CEP128: variants seen among roughly 807,000 people sequenced by gnomAD.
CEP128 encodes centrosomal protein 128kDa.
CEP128 carries 132 observed loss-of-function variants against 156.7 expected under a neutral mutation model. The ratio of observed to expected loss-of-function variants is 0.84; its 90% confidence interval spans 0.73 to 0.97. CEP128 has a LOEUF of 0.97. Among genes scored for constraint, CEP128 ranks in the 50% least tolerant of loss-of-function variants. CEP128 has a pLI of 0.00. For synonymous variants in CEP128, 469 were observed against 448.9 expected, an observed-to-expected ratio of 1.04 and a Z score of -0.57; for missense variants, 1,252 against 1,281.9, an observed-to-expected ratio of 0.98 and a Z score of 0.36.
rs535986705 is a variant in CEP128 at position 80,481,578 on chromosome 14, T to C, written c.*311-3171A>G. Among the ~76,000 whole-genome samples the C allele has an allele frequency of 2.0e-5, 3 of 152,342 alleles. No individual in the cohort carries two copies. The South Asian group carries it at 6.2e-4, about 32-fold the overall frequency. ...TCCACTTTAATCCAGTGCAGAATGT[T>C]ATTGTATACTTCAACAGTATATTCA... On this transcript the variant is annotated intron_variant and NMD_transcript_variant, in intron 14 of 14. Transcript: ENST00000554502.
At chr14:80,496,268 C>G (rs1887491676), downstream of CEP128, among the ~76,000 whole-genome samples, 1 of 152,120 alleles carries the variant, frequency 6.6e-6, no homozygotes, top group South Asian at 2.1e-4. Context: ...TAGCTATACT[C>G]TCAGGTTACA....
chr14:80,660,724 A>C (rs978993550), intron 19 of CEP128, among the ~76,000 whole-genome samples: 2 of 152,160 alleles, frequency 1.3e-5, no homozygotes, highest in African/African-American at 2.4e-5. Context: ...TATGCATGAG[A>C]GGAAACTGAG....
intron 19 of CEP128, among the ~76,000 whole-genome samples, chr14:80,711,535 C>T (rs955067677): frequency 6.6e-6 from 1 of 151,978 alleles, no homozygotes; most frequent in Non-Finnish European, 1.5e-5. Flanking sequence ...AGATAGAGAG[C>T]ACAAGGCTGG....
At chr14:80,707,103 GTTTGT>G (rs550196546) in intron 19 of CEP128, among the ~76,000 whole-genome samples, 33 of 152,236 alleles carry the variant, frequency 2.2e-4, no homozygotes, top group African/African-American at 7.0e-4. Context: ...GGTGGCAGAT[GTTTGT>G]TTTATTTATT....
chr14:80,811,703 GTT>G (rs553416353), intron 13 of CEP128, among the ~76,000 whole-genome samples: 6 of 122,576 alleles, frequency 4.9e-5, no homozygotes, highest in African/African-American at 2.6e-4. Context: ...GTGTGTGTGT[GTT>G]TGAGAGTGTG....
chr14:80,958,655 A>G (rs1306729228), intron 1 of CEP128, among the ~76,000 whole-genome samples: 1 of 152,146 alleles, frequency 6.6e-6, no homozygotes, highest in Admixed American at 6.5e-5. Flanking sequence ...AAGAAAATCT[A>G]GATCTTTTTT....
chr14:80,792,512 G>A (rs1901764055), intron 14 of CEP128, among the ~76,000 whole-genome samples: 1 of 152,026 alleles, frequency 6.6e-6, no homozygotes, highest in Admixed American at 6.6e-5. Flanking sequence ...CCTAAATTGG[G>A]GCAAGGGGTA....
chr14:80,825,605 C>A (rs892572415), intron 13 of CEP128, among the ~76,000 whole-genome samples: 1 of 151,976 alleles, frequency 6.6e-6, no homozygotes, highest in Admixed American at 6.5e-5. Context: ...GTAATAAATA[C>A]AAGCTAATGT....
chr14:80,612,939 C>T (rs1893051885), intron 19 of CEP128, among the ~76,000 whole-genome samples: 1 of 151,546 alleles, frequency 6.6e-6, no homozygotes, highest in African/African-American at 2.4e-5. Flanking sequence ...CTCCCGGGTT[C>T]AAGCAATTCT....
chr14:80,532,968 T>C (rs1356287622), intron 21 of CEP128, among the ~76,000 whole-genome samples: 1 of 152,198 alleles, frequency 6.6e-6, no homozygotes, highest in Non-Finnish European at 1.5e-5. Flanking sequence ...ATTTAGTAGT[T>C]TGTTCCTTCT....
intron 19 of CEP128, among the ~76,000 whole-genome samples, chr14:80,615,000 TA>T (rs1893151772): frequency 6.6e-6 from 1 of 152,230 alleles, no homozygotes. Context: ...GATTACATCT[TA>T]TTTGACTTTG....
chr14:80,881,562 T>C (rs778527788), intron 8 of CEP128, among the ~76,000 whole-genome samples: 72 of 152,128 alleles, frequency 4.7e-4, no homozygotes, highest in Non-Finnish European at 4.4e-4. Flanking sequence ...TAGAGTAATA[T>C]TGGCCATTTT....
At chr14:80,591,626 G>C (rs1892074995) in intron 19 of CEP128, among the ~76,000 whole-genome samples, 1 of 152,088 alleles carries the variant, frequency 6.6e-6, no homozygotes, top group South Asian at 2.1e-4. Context: ...GGATATTCAG[G>C]ACTTGAATTC....
chr14:80,687,742 GA>G (rs1332122134), intron 19 of CEP128, among the ~76,000 whole-genome samples: 1 of 151,886 alleles, frequency 6.6e-6, no homozygotes, highest in Non-Finnish European at 1.5e-5. Flanking sequence ...AAATTTAAAA[GA>G]AAAAATAACC....
intron 19 of CEP128, among the ~76,000 whole-genome samples, chr14:80,716,306 A>G (rs1897603067): frequency 6.6e-6 from 1 of 152,200 alleles, no homozygotes; most frequent in African/African-American, 2.4e-5. Flanking sequence ...AACCATCACC[A>G]CAATCAATTT....
Position 80,716,170 on chromosome 14 carries a change from A to T in CEP128, c.2806+26905T>A, listed in dbSNP as rs534119770. On this transcript the variant is annotated intron_variant, in intron 19 of 24. Transcript: ENST00000555265. ...TTCAATGAATTAAATATGCAAAGTG[A>T]ACCAAATAAATTAAATGAGACTCCT... Among the ~76,000 whole-genome samples the T allele has an allele frequency of 5.6e-4, 85 of 152,330 alleles. 1 individual carries two copies. The South Asian group carries it at 0.01, about 18-fold the overall frequency.
intron 19 of CEP128, among the ~76,000 whole-genome samples, chr14:80,671,726 C>A (rs555657115): frequency 6.6e-6 from 1 of 152,206 alleles, no homozygotes; most frequent in Non-Finnish European, 1.5e-5. Flanking sequence ...AAATTGGATG[C>A]TTTCCTTTAA....
chr14:80,601,056 A>C (rs1449902617), intron 19 of CEP128, among the ~76,000 whole-genome samples: 1 of 152,122 alleles, frequency 6.6e-6, no homozygotes, highest in Non-Finnish European at 1.5e-5. Flanking sequence ...GCAATCATTA[A>C]GAAAAAACTC....
In CEP128 at chr14:80,792,896, G is replaced by A. The variant is rs866691906; in HGVS notation, c.1424C>T (p.Ala475Val). Residue 475 changes from alanine to valine, a missense_variant, in exon 14 of 25, where the codon GCG (alanine) becomes GTG (valine). Ala to Val is a moderately conservative substitution (Grantham distance 64). Transcript: ENST00000555265. Reference protein sequence around the residue: ...LQQSEALKEEAEKRREDLKLK... With the variant: ...LQQSEALKEEVEKRREDLKLK... The stretch of plus-strand genomic sequence containing the variant: ...TTTCAGGTCTTCCCTCCTCTTCTCC[G>A]CCTCCTCTTTCAGAGCCTCTGACTG... 85 of 1,613,892 alleles carry A rather than the reference G, an allele frequency of 5.3e-5. No homozygotes were observed. Among genetic ancestry groups the A allele is most frequent in the Non-Finnish European group, 5.9e-5 (70 of 1,180,010 alleles).
Sources: gnomAD v4.1 joint callset for allele counts (sites outside exome capture counted in the v4.1 genomes callset) on GRCh38, gnomAD v4.1.1 for gene constraint, MANE v1.5 for transcripts, NCBI Gene and HGNC (gene_info 2026-07-23, HGNC 2026-07-21) for gene names.